LAMB4: variants seen among roughly 807,000 people sequenced by gnomAD.
The protein encoded by LAMB4 is laminin subunit beta 4.
Under a neutral mutation model 199.2 loss-of-function variants are expected in LAMB4, and 196 were observed. The observed-to-expected ratio is 0.98, with a 90% CI of 0.88 to 1.11. The LOEUF (loss-of-function observed/expected upper bound fraction) is 1.11, where lower values mean the gene tolerates loss of function less well. Among genes scored for constraint, LAMB4 ranks in the 50% least tolerant of loss-of-function variants. LAMB4 has a pLI of 0.00. For missense variants in LAMB4, 2,080 were observed against 2,171.2 expected (o/e 0.96, Z 0.83); for synonymous variants, 744 against 770.6 (o/e 0.97, Z 0.57).
At chr7:108,034,786 T>C (rs2035166101) in intron 30 of LAMB4, among the ~76,000 whole-genome samples, 1 of 152,044 alleles carries the variant, frequency 6.6e-6, no homozygotes, top group South Asian at 2.1e-4. Context: ...TTTAGGCTTG[T>C]TTATTCAGAG....
rs771462861 is a variant in LAMB4 at position 108,123,163 on chromosome 7, ATT to A, written c.-1_1del. The stretch of plus-strand genomic sequence containing the variant: ...CAAAAAAAGGGTCAGTTGAAATTGC[ATT>A]CTTTTGTCAGGAGATGATTAAATTC... On this transcript the variant is annotated start_lost and 5_prime_UTR_variant, in exon 2 of 34. Transcript: ENST00000388781. 6.7e-5 allele frequency: 108 copies of A among 1,610,582 alleles called. No individual in the cohort carries two copies. Among genetic ancestry groups the A allele is most frequent in the Non-Finnish European group, 8.5e-5 (100 of 1,178,884 alleles).
chr7:108,123,071 T>C, intron 2 of LAMB4, 60 bp downstream of exon 2: 1 of 1,422,168 alleles, frequency 7.0e-7, no homozygotes, highest in Non-Finnish European at 9.8e-7. Flanking sequence ...TAAAAACTAT[T>C]TCCATTAAAT....
intron 11 of LAMB4, among the ~76,000 whole-genome samples, chr7:108,096,621 T>C (rs1046983634): frequency 1.3e-5 from 2 of 152,010 alleles, no homozygotes; most frequent in South Asian, 2.1e-4. Context: ...TTGTATGGTA[T>C]GTAAATTATA....
chr7:108,036,508 T>C (rs1023605337), intron 30 of LAMB4, among the ~76,000 whole-genome samples: 6 of 152,120 alleles, frequency 3.9e-5, no homozygotes, highest in African/African-American at 1.4e-4. Context: ...TTTAAGTAAT[T>C]GCTGTGCAGT....
intron 14 of LAMB4, among the ~76,000 whole-genome samples, chr7:108,080,905 C>G (rs993917706): frequency 5.9e-5 from 9 of 151,744 alleles, no homozygotes; most frequent in Non-Finnish European, 1.0e-4. Context: ...GGGTGGATCA[C>G]GAGGTCAGGA....
At position 108,065,917 on chromosome 7, in the gene LAMB4, C is replaced by T. The variant is rs773014278; in HGVS notation, c.2681G>A (p.Cys894Tyr). ...AGGATTTCCATAGTAACCATCAATA[C>T]ACCTGTCAAGACAATTTCCTTTCAC... ...GFTTGRNCER[C>Y]IDGYYGNPSS... Residue 894 changes from cysteine to tyrosine, a missense_variant and splice_region_variant, in exon 21 of 34, where the codon TGT (cysteine) becomes TAT (tyrosine). By Grantham distance (194) the Cys-to-Tyr change is radical (BLOSUM62 -2). Transcript: ENST00000388781. 7 of 1,611,866 alleles carry T rather than the reference C, an allele frequency of 4.3e-6. No homozygotes were observed. Among genetic ancestry groups the T allele is most frequent in the Non-Finnish European group, 4.2e-6 (5 of 1,179,244 alleles).
At chr7:108,013,411 A>C in the LAMB4 span, among the ~76,000 whole-genome samples, 5 of 152,238 alleles carry the variant, frequency 3.3e-5, no homozygotes, top group African/African-American at 1.2e-4. Flanking sequence ...TTTGGTGGGA[A>C]ATACAGAAAA....
At chr7:108,033,195 A>G (rs2150490867) in intron 31 of LAMB4, among the ~76,000 whole-genome samples, 1 of 152,284 alleles carries the variant, frequency 6.6e-6, no homozygotes, top group Admixed American at 6.5e-5. Context: ...TTTGTGGCCT[A>G]TAAAGTCTCT....
intron 3 of LAMB4, among the ~76,000 whole-genome samples, chr7:108,113,482 T>C (rs1191179018): frequency 6.6e-6 from 1 of 152,208 alleles, no homozygotes; most frequent in Non-Finnish European, 1.5e-5. Flanking sequence ...ATAGGCCTTA[T>C]TGTTGAAGAA....
intron 17 of LAMB4, among the ~76,000 whole-genome samples, chr7:108,074,995 T>C (rs1345954322): frequency 6.6e-6 from 1 of 152,222 alleles, no homozygotes; most frequent in Non-Finnish European, 1.5e-5. Context: ...TCCTGATTAT[T>C]ATAGTAACAG....
At chr7:108,021,478 G>A (rs1476884777), downstream of LAMB4, among the ~76,000 whole-genome samples, 3 of 152,216 alleles carry the variant, frequency 2.0e-5, no homozygotes, top group Non-Finnish European at 4.4e-5. Flanking sequence ...GGGAGGCCGA[G>A]GCGGGTGGAT....
Position 108,029,858 on chromosome 7 carries a change from G to A in LAMB4, c.4993-662C>T, listed in dbSNP as rs781369072. Reference sequence around the variant, plus strand: ...TTCTTGGCCAGGCGTGGTGGCTCACGCCTGTAATCCCAGCACTTTAGGAGG... The same window carrying A: ...TTCTTGGCCAGGCGTGGTGGCTCACACCTGTAATCCCAGCACTTTAGGAGG... On this transcript the variant is annotated intron_variant, in intron 32 of 33. Coordinates refer to ENST00000388781, the MANE Select transcript of LAMB4 (RefSeq NM_007356.3). Among the ~76,000 whole-genome samples, 3 of 152,074 alleles carry A rather than the reference G, an allele frequency of 2.0e-5. 1 individual carries two copies. Among genetic ancestry groups the A allele is most frequent in the South Asian group, 4.1e-4 (2 of 4,820 alleles).
chr7:108,059,998 C>T (rs776439607), intron 23 of LAMB4, among the ~76,000 whole-genome samples: 1 of 152,184 alleles, frequency 6.6e-6, no homozygotes, highest in African/African-American at 2.4e-5. Context: ...TTGGATGGCA[C>T]ATTTGGATCT....
chr7:108,122,118 T>C (rs943762865), intron 2 of LAMB4, among the ~76,000 whole-genome samples: 1 of 152,222 alleles, frequency 6.6e-6, no homozygotes, highest in Non-Finnish European at 1.5e-5. Context: ...AGTCCCCTAA[T>C]TGAGGAGGGC....
At chr7:108,072,685 ACCGGGGTGG>A (rs1391079209) in intron 17 of LAMB4, among the ~76,000 whole-genome samples, 1 of 152,102 alleles carries the variant, frequency 6.6e-6, no homozygotes, top group Non-Finnish European at 1.5e-5. Flanking sequence ...GAGAATAAGA[ACCGGGGTGG>A]CAGGGATAGT....
At chr7:108,062,084 A>C (rs1266218211) in intron 23 of LAMB4, among the ~76,000 whole-genome samples, 1 of 152,242 alleles carries the variant, frequency 6.6e-6, no homozygotes, top group Admixed American at 6.5e-5. Flanking sequence ...ATTAAGCCAA[A>C]AGACAAAAAC....
rs1161083633 is a variant in LAMB4, at chr7:108,038,709, A to G, written c.4472-1114T>C. Reference sequence around the variant, plus strand: ...CATCAGCCATCGTTAGTGTTAGTGTATTTTATGTGTGGCTCAAGACAATTC... The same window carrying G: ...CATCAGCCATCGTTAGTGTTAGTGTGTTTTATGTGTGGCTCAAGACAATTC... On this transcript the variant is annotated intron_variant, in intron 29 of 33. Transcript: ENST00000388781. Among the ~76,000 whole-genome samples the G allele has an allele frequency of 3.7e-4, 56 of 152,164 alleles. 1 individual carries two copies. The highest frequency in any genetic ancestry group is 4.4e-5 in the Non-Finnish European group (3 of 68,036).
chr7:108,031,547 T>G (rs549157766), intron 31 of LAMB4, among the ~76,000 whole-genome samples: 1 of 152,212 alleles, frequency 6.6e-6, no homozygotes, highest in South Asian at 2.1e-4. Context: ...CTAACTTCTG[T>G]CATTCCATGT....
chr7:108,094,840 G>A (rs1179701210), intron 12 of LAMB4, among the ~76,000 whole-genome samples: 2 of 152,110 alleles, frequency 1.3e-5, no homozygotes, highest in Non-Finnish European at 2.9e-5. Flanking sequence ...ACATTTTTAG[G>A]AAGGGAGTGG....
Sources: allele counts gnomAD v4.1 joint callset (sites outside exome capture counted in the v4.1 genomes callset), GRCh38; gene constraint gnomAD v4.1.1; transcripts MANE v1.5; gene names NCBI Gene and HGNC (gene_info 2026-07-23, HGNC 2026-07-21).